Variants in SGCE observed in about 807,000 individuals in gnomAD.
The protein encoded by SGCE is sarcoglycan epsilon, also known as epsilon-sarcoglycan.
In SGCE, 26 loss-of-function variants were observed where a neutral mutation model predicts 57.8. The ratio of observed to expected loss-of-function variants is 0.45; its 90% CI spans 0.33 to 0.62. The LOEUF is 0.62. Ranked by LOEUF, SGCE falls within the 20% of genes least tolerant of loss-of-function variation. SGCE has a pLI of 0.02. For missense variants in SGCE, 468 were observed against 548.6 expected (o/e 0.85, Z 1.47); for synonymous variants, 183 against 189.5 (o/e 0.97, Z 0.28).
chr7:94,620,156 C>T (rs764102668), intron 4 of SGCE: 40 of 152,104 alleles, frequency 2.6e-4, no homozygotes, highest in Non-Finnish European at 5.4e-4. Context: ...ATAAAAATTA[C>T]ATTAAGTACC....
chr7:94,639,547 C>T, intron 1 of SGCE: 1 of 690,762 alleles, frequency 1.4e-6, no homozygotes, highest in Non-Finnish European at 2.5e-6. Context: ...GGATCAGATT[C>T]CTTCCAGCCC....
At chr7:94,634,523 C>T (rs1334708946) in intron 1 of SGCE, among the ~76,000 whole-genome samples, 1 of 152,106 alleles carries the variant, frequency 6.6e-6, no homozygotes. Context: ...AGTATGTTTC[C>T]CATAGCAGCT....
chr7:94,652,561 C>A (rs938472385), intron 1 of SGCE, among the ~76,000 whole-genome samples: 2 of 152,090 alleles, frequency 1.3e-5, no homozygotes, highest in African/African-American at 2.4e-5. Flanking sequence ...ATCTTTATTT[C>A]CTTGAGGTTG....
intron 6 of SGCE, among the ~76,000 whole-genome samples, chr7:94,602,274 T>C (rs2116711868): frequency 6.6e-6 from 1 of 152,206 alleles, no homozygotes; most frequent in African/African-American, 2.4e-5. Flanking sequence ...ATAATAATTT[T>C]ACTTGATTTA....
intron 5 of SGCE, among the ~76,000 whole-genome samples, chr7:94,610,409 A>C (rs910693431): frequency 6.6e-6 from 1 of 152,028 alleles, no homozygotes; most frequent in Non-Finnish European, 1.5e-5. Context: ...CAAATATACC[A>C]CTCTGGTGGG....
chr7:94,645,225 G>C (rs1302363351), intron 1 of SGCE, among the ~76,000 whole-genome samples: 2 of 152,094 alleles, frequency 1.3e-5, no homozygotes, highest in Admixed American at 6.5e-5. Context: ...AGGTGATTTT[G>C]TTGTGCAGTC....
intron 5 of SGCE, among the ~76,000 whole-genome samples, chr7:94,605,011 T>C (rs1346159464): frequency 1.3e-5 from 2 of 151,478 alleles, no homozygotes; most frequent in Non-Finnish European, 2.9e-5. Context: ...TACAGAATTC[T>C]TCCCCTCCCA....
chr7:94,650,344 T>A (rs1807704320), intron 1 of SGCE, among the ~76,000 whole-genome samples: 1 of 152,152 alleles, frequency 6.6e-6, no homozygotes, highest in African/African-American at 2.4e-5. Context: ...ACCCTCGGCA[T>A]CCACGGCCAC....
At chr7:94,617,583 A>G (rs989399948) in intron 5 of SGCE, 3 of 152,232 alleles carry the variant, frequency 2.0e-5, no homozygotes, top group African/African-American at 7.2e-5. Context: ...TGTAACTATG[A>G]AGTAAAAATT....
intron 1 of SGCE, among the ~76,000 whole-genome samples, chr7:94,631,664 G>A (rs1804750302): frequency 6.6e-6 from 1 of 151,898 alleles, no homozygotes; most frequent in East Asian, 1.9e-4. Context: ...TTTCGGGGAA[G>A]GGAATTAAGT....
chr7:94,599,165 T>C (rs183041381), intron 8 of SGCE: 19 of 533,670 alleles, frequency 3.6e-5, no homozygotes, highest in Admixed American at 6.6e-5. Context: ...ATAAACTGAT[T>C]TTAAAATACA....
chr7:94,650,349 G>C (rs139056087), intron 1 of SGCE, among the ~76,000 whole-genome samples: 1 of 152,112 alleles, frequency 6.6e-6, no homozygotes, highest in Non-Finnish European at 1.5e-5. Context: ...CGGCATCCAC[G>C]GCCACTCAGC....
At position 94,623,059 on chromosome 7, in the gene SGCE, A is replaced by G. The variant is rs17166382; in HGVS notation, c.463+266T>C. On this transcript the variant is annotated intron_variant, in intron 4 of 10. Transcript: ENST00000648936. ...CACTTATAAGAGAAATGCTACTGTT[A>G]GTCCCATTTTAAGGTAATGAAAAAG... Among the ~76,000 whole-genome samples, 17,747 of 152,144 alleles carry G rather than the reference A, an allele frequency of 0.12. 1,370 individuals are homozygous for G. Among genetic ancestry groups the G allele is most frequent in the South Asian group, 0.24 (1,176 of 4,812 alleles).
At chr7:94,587,073 C>A (rs941841230) in intron 10 of SGCE, 5 of 984,828 alleles carry the variant, frequency 5.1e-6, no homozygotes, top group Non-Finnish European at 6.0e-6. Context: ...AAGCAAAATA[C>A]CTGCTCCCTA....
At chr7:94,608,434 A>C (rs1322825084) in intron 5 of SGCE, among the ~76,000 whole-genome samples, 1 of 152,218 alleles carries the variant, frequency 6.6e-6, no homozygotes, top group African/African-American at 2.4e-5. Flanking sequence ...GACCTAAATA[A>C]ATGGAGAGAT....
chr7:94,598,699 G>A, intron 9 of SGCE, 76 bp downstream of exon 9: 3 of 1,038,828 alleles, frequency 2.9e-6, no homozygotes, highest in Non-Finnish European at 4.6e-6. Flanking sequence ...CACAACAACA[G>A]AAAGCTCTGT....
chr7:94,595,985 T>G (rs1270962730), intron 9 of SGCE, among the ~76,000 whole-genome samples: 1 of 152,170 alleles, frequency 6.6e-6, no homozygotes, highest in Non-Finnish European at 1.5e-5. Flanking sequence ...GTGAACATCA[T>G]CAATTATCTG....
chr7:94,588,691 G>A lies in SGCE; in HGVS notation c.1295C>T (p.Thr432Ile), dbSNP rs1417224938. The change falls in exon 10 of 11, where the codon ACA becomes ATA. Residue 432 changes from threonine (T) to isoleucine (I), a missense_variant and splice_region_variant. Transcript: ENST00000648936. The part of the protein sequence containing the change: ...HQTQIPQQQT[T>I]GKWYP The stretch of plus-strand genomic sequence containing the variant: ...AATTTATTATTCTTAGCACTCACCT[G>A]TAGTCTGCTGTTGGGGAATCTGAGT... 3 of 1,593,938 alleles carry A rather than the reference G, an allele frequency of 1.9e-6. No homozygotes were observed. Among genetic ancestry groups the A allele is most frequent in the African/African-American group, 1.3e-5 (1 of 74,452 alleles).
intron 1 of SGCE, among the ~76,000 whole-genome samples, chr7:94,634,246 G>A (rs1254552701): frequency 2.0e-5 from 3 of 152,156 alleles, no homozygotes; most frequent in Non-Finnish European, 4.4e-5. Context: ...AGAACCACAT[G>A]AAATGAATTG....
Sources: allele counts gnomAD v4.1 joint callset (sites outside exome capture counted in the v4.1 genomes callset), GRCh38; gene constraint gnomAD v4.1.1; transcripts MANE v1.5; gene names NCBI Gene and HGNC (gene_info 2026-07-23, HGNC 2026-07-21).